The following FILIP1 variants were observed in gnomAD, a reference collection of about 807,000 sequenced individuals.
FILIP1 encodes the protein filamin-A-interacting protein 1.
FILIP1 carries 61 observed loss-of-function variants against 102.1 expected under a neutral mutation model. The observed-to-expected ratio is 0.60, with a 90% CI of 0.49 to 0.74. FILIP1 has a LOEUF of 0.74. Ranked by LOEUF, FILIP1 falls within the 30% of genes least tolerant of loss-of-function variation. The probability of loss-of-function intolerance (pLI) is 0.00; values close to 1 mark genes in which losing one functional copy is unlikely to be tolerated. For synonymous variants in FILIP1, 491 were observed against 526.9 expected, an observed-to-expected ratio of 0.93 and a Z score of 0.93; for missense variants, 1,314 against 1,441.2, an observed-to-expected ratio of 0.91 and a Z score of 1.43.
intron 4 of FILIP1, among the ~76,000 whole-genome samples, chr6:75,320,738 T>C (rs113892897): frequency 0.017 from 2,637 of 152,348 alleles, 80 homozygotes; most frequent in African/African-American, 0.061. Context: ...GGTTATTAGA[T>C]GAGTTCCTCT....
intron 2 of FILIP1, among the ~76,000 whole-genome samples, chr6:75,381,232 AC>A (rs1381852839): frequency 1.3e-5 from 2 of 150,202 alleles, no homozygotes; most frequent in African/African-American, 5.0e-5. Context: ...ATAATTAGAT[AC>A]AATTTTTTTT....
At chr6:75,318,169 T>C (rs1336823948) in intron 4 of FILIP1, among the ~76,000 whole-genome samples, 1 of 151,856 alleles carries the variant, frequency 6.6e-6, no homozygotes, top group African/African-American at 2.4e-5. Context: ...TGTCACTTCT[T>C]CAAACCCAAT....
At chr6:75,349,999 C>T (rs1233841356) in intron 4 of FILIP1, among the ~76,000 whole-genome samples, 2 of 152,012 alleles carry the variant, frequency 1.3e-5, no homozygotes, top group Non-Finnish European at 2.9e-5. Context: ...TTTGAAAAAT[C>T]CCAAAAACTT....
intron 2 of FILIP1, among the ~76,000 whole-genome samples, chr6:75,406,546 T>A (rs192514105): frequency 6.6e-6 from 1 of 152,200 alleles, no homozygotes; most frequent in Non-Finnish European, 1.5e-5. Flanking sequence ...TTCTTCATGA[T>A]TGTTGTAATA....
intron 3 of FILIP1, chr6:75,362,152 C>T (rs561636215): frequency 6.6e-6 from 1 of 152,278 alleles, no homozygotes; most frequent in East Asian, 1.9e-4. Context: ...ACTTCTGCTA[C>T]AATGTGAGAG....
intron 1 of FILIP1, among the ~76,000 whole-genome samples, chr6:75,490,131 C>A (rs1779913996): frequency 6.6e-6 from 1 of 152,034 alleles, no homozygotes; most frequent in Non-Finnish European, 1.5e-5. Flanking sequence ...ACTGTGTAAA[C>A]CCCAAAGTTT....
At chr6:75,372,665 G>T (rs1582408889) in intron 2 of FILIP1, among the ~76,000 whole-genome samples, 1 of 59,494 alleles carries the variant, frequency 1.7e-5, no homozygotes, top group Non-Finnish European at 3.2e-5. Context: ...AAGAAAGAAA[G>T]AAAGAAAGAA....
At position 75,366,747 on chromosome 6, in the gene FILIP1, T is replaced by C. The variant is rs142209714; in HGVS notation, c.277-3830A>G. Among the ~76,000 whole-genome samples, 445 of 152,342 alleles carry C rather than the reference T, an allele frequency of 2.9e-3. 2 individuals are homozygous for C. The highest frequency in any genetic ancestry group is 0.01 in the African/African-American group (421 of 41,576). ...GGTAGAAAAGGAATTTTATAAGATATATTTTTCCCTAACCAAATATAACGT... is the reference window on the plus strand; with the variant it reads ...GGTAGAAAAGGAATTTTATAAGATACATTTTTCCCTAACCAAATATAACGT... On this transcript the variant is annotated intron_variant, in intron 2 of 5. Coordinates refer to ENST00000237172, the MANE Select transcript of FILIP1 (RefSeq NM_015687.5).
chr6:75,319,606 G>A, intron 4 of FILIP1: 6 of 448,344 alleles, frequency 1.3e-5, no homozygotes, highest in Admixed American at 2.7e-5. Context: ...CGAGGCTGGC[G>A]GATCACAAGG....
Position 75,313,440 on chromosome 6 carries a change from C to T in FILIP1, c.2392G>A (p.Val798Ile), listed in dbSNP as rs1319844897. 9 of 1,614,220 alleles carry T rather than the reference C, an allele frequency of 5.6e-6. No homozygotes were observed. The highest frequency in any genetic ancestry group is 7.6e-6 in the Non-Finnish European group (9 of 1,180,036). ...TGGACTCCAGTTGACGTCACAGGAA[C>T]ATCCACCATTCTTCTTCCATTCACA... ...PSVNGRRMVD[V>I]PVTSTGVQTD... Residue 798 changes from valine to isoleucine, a missense_variant, in exon 5 of 6, where the codon GTT becomes ATT. By Grantham distance (29) the Val-to-Ile change is conservative (BLOSUM62 3). Coordinates refer to ENST00000237172, the MANE Select transcript of FILIP1 (RefSeq NM_015687.5). The surrounding 1 kb of genome is among the most constrained non-coding windows in gnomAD (Gnocchi z 4.2).
intron 2 of FILIP1, among the ~76,000 whole-genome samples, chr6:75,371,833 T>C (rs1017966916): frequency 6.6e-6 from 1 of 152,152 alleles, no homozygotes; most frequent in Non-Finnish European, 1.5e-5. Flanking sequence ...TTAATAAAAA[T>C]GTAAGAGCTA....
rs35562292 is a variant in FILIP1, at chr6:75,397,492, G to GTATA, written c.276+17201_276+17204dup. Among the ~76,000 whole-genome samples, 871 of 146,070 alleles carry GTATA rather than the reference G, an allele frequency of 6.0e-3. 5 individuals carry two copies. Among genetic ancestry groups the GTATA allele is most frequent in the Middle Eastern group, 0.018 (5 of 280 alleles). ...AAGTTTGCTAATTAAATATATATGT[G>GTATA]TATATATATATACAGATTTTTTTAC... On this transcript the variant is annotated intron_variant, in intron 2 of 5. Transcript: ENST00000237172.
chr6:75,334,974 A>G (rs1774193925), intron 4 of FILIP1, among the ~76,000 whole-genome samples: 1 of 152,182 alleles, frequency 6.6e-6, no homozygotes, highest in Admixed American at 6.6e-5. Flanking sequence ...CTCCACACTA[A>G]GGGAAATGCA....
At chr6:75,455,693 T>C (rs1279112018) in intron 1 of FILIP1, among the ~76,000 whole-genome samples, 3 of 152,178 alleles carry the variant, frequency 2.0e-5, no homozygotes, top group Non-Finnish European at 2.9e-5. Flanking sequence ...TCAAATAACC[T>C]TCAAGGGCTC....
chr6:75,345,599 C>T (rs1774553156), intron 4 of FILIP1, among the ~76,000 whole-genome samples: 1 of 152,090 alleles, frequency 6.6e-6, no homozygotes, highest in South Asian at 2.1e-4. Flanking sequence ...GTGGGGTGAC[C>T]AGCCTTTTCC....
At chr6:75,442,352 G>A (rs1454803199) in intron 1 of FILIP1, among the ~76,000 whole-genome samples, 2 of 152,178 alleles carry the variant, frequency 1.3e-5, no homozygotes, top group South Asian at 2.1e-4. Context: ...CAGACGGGGT[G>A]GCGGCCTGGC....
At chr6:75,382,578 G>A (rs1344599677) in intron 2 of FILIP1, among the ~76,000 whole-genome samples, 1 of 152,156 alleles carries the variant, frequency 6.6e-6, no homozygotes, top group Non-Finnish European at 1.5e-5. Context: ...TAAAGAGACA[G>A]GGTACCATAT....
chr6:75,441,828 G>A (rs1778256292), intron 1 of FILIP1, among the ~76,000 whole-genome samples: 1 of 147,434 alleles, frequency 6.8e-6, no homozygotes, highest in African/African-American at 2.5e-5. Context: ...GGCTGGCCGG[G>A]CGGGGGGCTG....
intron 5 of FILIP1, among the ~76,000 whole-genome samples, chr6:75,311,478 AGTTTGTTTGTTT>A (rs575376242): frequency 6.7e-6 from 1 of 149,742 alleles, no homozygotes; most frequent in Non-Finnish European, 1.5e-5. Flanking sequence ...CCTTCCAGCT[AGTTTGTTTGTTT>A]GTTTGTTTGT....
Sources: allele counts gnomAD v4.1 joint callset (sites outside exome capture counted in the v4.1 genomes callset), GRCh38; gene constraint gnomAD v4.1.1; non-coding constraint Gnocchi (gnomAD v3.1); transcripts MANE v1.5; gene names NCBI Gene and HGNC (gene_info 2026-07-23, HGNC 2026-07-21).